Variants in KREMEN1 observed in about 807,000 individuals in gnomAD.
KREMEN1 encodes kremen protein 1.
KREMEN1 carries 30 observed loss-of-function variants against 46.5 expected under a neutral mutation model. The ratio of observed to expected loss-of-function variants is 0.65; its 90% confidence interval spans 0.48 to 0.88. The LOEUF (loss-of-function observed/expected upper bound fraction) is 0.88, where lower values mean the gene tolerates loss of function less well. Among genes scored for constraint, KREMEN1 ranks in the 40% least tolerant of loss-of-function variants. The probability of loss-of-function intolerance (pLI) is 0.00; values close to 1 mark genes in which losing one functional copy is unlikely to be tolerated. For synonymous variants in KREMEN1, 214 were observed against 230.6 expected (o/e 0.93, Z 0.65); for missense variants, 533 against 596.9 (o/e 0.89, Z 1.11).
In KREMEN1 at chr22:29,142,001, G is replaced by A. The variant is rs117146420; in HGVS notation, c.1266G>A (p.Ser422=). ...GGGATTGTCATCAACCAGGGACTTC[G>A]GGGGAAATCTGGAGCATTTTTTACA... ...DLRDCHQPGT[S]GEIWSIFYKP... The change falls in exon 9 of 9, where the codon TCG becomes TCA. Residue 422 remains serine, a synonymous_variant. Transcript: ENST00000400335. 9.6e-3 allele frequency: 15,427 copies of A among 1,613,198 alleles called. 99 individuals are homozygous for A. Among genetic ancestry groups the A allele is most frequent in the Non-Finnish European group, 0.012 (14,145 of 1,179,544 alleles).
chr22:29,083,206 C>T (rs1345852528), intron 1 of KREMEN1, among the ~76,000 whole-genome samples: 2 of 152,090 alleles, frequency 1.3e-5, no homozygotes, highest in Non-Finnish European at 2.9e-5. Flanking sequence ...TTTATTTGTG[C>T]TCACATATTA....
At chr22:29,088,371 C>CA in intron 1 of KREMEN1, among the ~76,000 whole-genome samples, 1 of 152,100 alleles carries the variant, frequency 6.6e-6, no homozygotes, top group Non-Finnish European at 1.5e-5. Flanking sequence ...CTCTGTCACC[C>CA]AGGGTATAGT....
intron 5 of KREMEN1, among the ~76,000 whole-genome samples, chr22:29,128,803 T>G (rs1457061264): frequency 6.6e-6 from 1 of 152,252 alleles, no homozygotes; most frequent in African/African-American, 2.4e-5. Flanking sequence ...TCTATGCTAG[T>G]AAGTGCCAGA....
At chr22:29,119,035 C>A (rs1248366416) in intron 3 of KREMEN1, among the ~76,000 whole-genome samples, 1 of 152,110 alleles carries the variant, frequency 6.6e-6, no homozygotes, top group Non-Finnish European at 1.5e-5. Flanking sequence ...GGGAAACACA[C>A]TTACCAGTTT....
chr22:29,121,246 C>A, intron 3 of KREMEN1, 111 bp from the exon 4 acceptor site: 1 of 1,249,950 alleles, frequency 8.0e-7, no homozygotes, highest in Middle Eastern at 2.0e-4. Context: ...ATTTGTACCT[C>A]AGGAGTGGAA....
chr22:29,143,565 A>AC lies in KREMEN1; in HGVS notation c.*1457dup, dbSNP rs2038803962. ...AAACCATCCTGGCTAAGATGGTGAA[A>AC]CCCCGTCTCTACTAAAAATACAAAA... On this transcript the variant is annotated 3_prime_UTR_variant, in exon 9 of 9. Coordinates refer to ENST00000400335, the MANE Select transcript of KREMEN1 (RefSeq NM_001039570.3). 1 of 720,662 alleles carries AC rather than the reference A, an allele frequency of 1.4e-6. No individual in the cohort carries two copies. The highest frequency in any genetic ancestry group is 1.7e-6 in the Non-Finnish European group (1 of 588,244). 44.6% of individuals were successfully genotyped at this position (720,662 alleles called of 1,614,324 possible).
chr22:29,161,318 T>C lies in KREMEN1; in HGVS notation c.1417-5726T>C, dbSNP rs192132984. On this transcript the variant is annotated intron_variant, in intron 9 of 9. Transcript: ENST00000327813. Reference sequence around the variant, plus strand: ...GTCAGGAGATCGAGACCATCCTGGCTAACATGATGAAACCCCGTCTGTACT... The same window carrying C: ...GTCAGGAGATCGAGACCATCCTGGCCAACATGATGAAACCCCGTCTGTACT... 7.7e-3 allele frequency among the ~76,000 whole-genome samples: 1,164 copies of C among 151,370 alleles called. 10 individuals carry two copies. Among genetic ancestry groups the C allele is most frequent in the African/African-American group, 0.021 (884 of 41,238 alleles).
At chr22:29,152,920 G>GGA (rs1253760916) in intron 9 of KREMEN1, among the ~76,000 whole-genome samples, 1 of 152,204 alleles carries the variant, frequency 6.6e-6, no homozygotes, top group Non-Finnish European at 1.5e-5. Flanking sequence ...TACTCCATAG[G>GGA]GAGAGCAGCG....
Position 29,094,361 on chromosome 22 carries a change from A to G in KREMEN1, c.201A>G (p.Pro67=), listed in dbSNP as rs2037846316. 5 of 1,614,090 alleles carry G rather than the reference A, an allele frequency of 3.1e-6. No individual in the cohort carries two copies. Among genetic ancestry groups the G allele is most frequent in the African/African-American group, 1.3e-5 (1 of 75,036 alleles). ...TTTGGAACGAGACTTTCCAGCATCC[A>G]TACAACACTCTGAAATACCCCAACG... ...CLFWNETFQH[P]YNTLKYPNGE... Residue 67 remains proline, a synonymous_variant, in exon 2 of 9, where the codon CCA becomes CCG. Coordinates refer to ENST00000400335, the MANE Select transcript of KREMEN1 (RefSeq NM_001039570.3).
intron 9 of KREMEN1, among the ~76,000 whole-genome samples, chr22:29,160,070 A>G (rs140301603): frequency 8.7e-4 from 132 of 152,262 alleles, no homozygotes; most frequent in African/African-American, 3.0e-3. Flanking sequence ...CATCTATGGA[A>G]AACTCCACCC....
intron 4 of KREMEN1, among the ~76,000 whole-genome samples, chr22:29,122,047 A>G (rs1445774269): frequency 6.6e-6 from 1 of 152,244 alleles, no homozygotes; most frequent in Non-Finnish European, 1.5e-5. Flanking sequence ...ACTAGGAGAA[A>G]GTAGTTGTTA....
rs920266890 is a variant in KREMEN1, at chr22:29,145,476, C to G, written c.*3364C>G. 1.0e-6 allele frequency: 1 copy of G among 985,482 alleles called. No homozygotes were observed. Among genetic ancestry groups the G allele is most frequent in the African/African-American group, 1.7e-5 (1 of 57,240 alleles). The allele number at this position is 985,482 out of a possible 1,614,324, so 61.0% of individuals were successfully genotyped here. ...TGTTCCCCGCTGGCGCCAGGCCCTG[C>G]CTTCTTGGTACCTGTGCCAACAGGA... On this transcript the variant is annotated 3_prime_UTR_variant, in exon 9 of 9. Coordinates refer to ENST00000400335, the MANE Select transcript of KREMEN1 (RefSeq NM_001039570.3).
intron 8 of KREMEN1, 29 bp from the exon 9 acceptor site, chr22:29,141,915 A>G: frequency 2.6e-6 from 4 of 1,532,328 alleles, no homozygotes; most frequent in Non-Finnish European, 3.5e-6. Context: ...GTTCTAATCT[A>G]TTGGAAAAAA....
rs1429193550 is a variant in KREMEN1, at chr22:29,144,913, G to A, written c.*2801G>A. ...TGGGAGGTGCTGGGGATGCCCCAGC[G>A]CTTCTCTTCCTGCCTCGCCCTGGCA... On this transcript the variant is annotated 3_prime_UTR_variant, in exon 9 of 9. Transcript: ENST00000400335. 3.3e-5 allele frequency: 33 copies of A among 985,410 alleles called. No individual in the cohort carries two copies. Among genetic ancestry groups the A allele is most frequent in the Middle Eastern group, 5.2e-4 (1 of 1,936 alleles). The allele number at this position is 985,410 out of a possible 1,614,324, so 61.0% of individuals were successfully genotyped here. A position where few individuals can be genotyped will look rare whatever the true frequency, so the allele number is the denominator to read the frequency against.
chr22:29,108,272 A>G (rs1198498473), intron 3 of KREMEN1, among the ~76,000 whole-genome samples: 3 of 152,240 alleles, frequency 2.0e-5, no homozygotes, highest in Non-Finnish European at 4.4e-5. Flanking sequence ...GGGCGATGAG[A>G]GTGAAACCCT....
intron 3 of KREMEN1, chr22:29,099,509 A>T (rs548588119): frequency 5.4e-5 from 8 of 149,322 alleles, no homozygotes; most frequent in African/African-American, 2.0e-4. Context: ...CTGTTTTCTA[A>T]CTGTTTCATT....
downstream of KREMEN1, among the ~76,000 whole-genome samples, chr22:29,150,041 G>C (rs947637791): frequency 6.6e-6 from 1 of 152,130 alleles, no homozygotes; most frequent in Non-Finnish European, 1.5e-5. Flanking sequence ...CCTCTGTGGC[G>C]AGGTCGGGTC....
chr22:29,142,889 C>A lies in KREMEN1; in HGVS notation c.*777C>A. 1.0e-6 allele frequency: 1 copy of A among 984,172 alleles called. No individual in the cohort carries two copies. The highest frequency in any genetic ancestry group is 1.2e-6 in the Non-Finnish European group (1 of 828,766). The allele number at this position is 984,172 out of a possible 1,614,324, so 61.0% of individuals were successfully genotyped here. On this transcript the variant is annotated 3_prime_UTR_variant, in exon 9 of 9. Transcript: ENST00000400335. ...ATTCAGCTGGGCGCGATGGCTCATG[C>A]CTGTAATCCCAGCACTGTGGGAGGC...
chr22:29,113,999 G>A (rs1460664760), intron 3 of KREMEN1, among the ~76,000 whole-genome samples: 1 of 152,198 alleles, frequency 6.6e-6, no homozygotes, highest in African/African-American at 2.4e-5. Context: ...CTAATGTTCT[G>A]AGGTTGCAGC....
Sources: gnomAD v4.1 joint callset for allele counts (sites outside exome capture counted in the v4.1 genomes callset) on GRCh38, gnomAD v4.1.1 for gene constraint, MANE v1.5 for transcripts, NCBI Gene and HGNC (gene_info 2026-07-23, HGNC 2026-07-21) for gene names.